ARID1B: variants seen among roughly 807,000 people sequenced by gnomAD.
ARID1B encodes AT-rich interaction domain 1B, also known as AT-rich interactive domain-containing protein 1B.
A neutral mutation model predicts 212.3 loss-of-function variants in ARID1B; 30 were observed. That is an observed-to-expected ratio of 0.14 (90% confidence interval 0.11 to 0.19). The LOEUF is 0.19. Ranked by LOEUF, ARID1B falls within the 10% of genes least tolerant of loss-of-function variation. The pLI is 1.00. For missense variants in ARID1B, 2,891 were observed against 3,204.0 expected, an observed-to-expected ratio of 0.90 and a Z score of 2.36; for synonymous variants, 1,402 against 1,301.7, an observed-to-expected ratio of 1.08 and a Z score of -1.66.
At chr6:156,873,643 C>T (rs369166575) in intron 2 of ARID1B, among the ~76,000 whole-genome samples, 29 of 152,350 alleles carry the variant, frequency 1.9e-4, no homozygotes, top group African/African-American at 5.1e-4. Flanking sequence ...AATTATTCAG[C>T]AAATGCAATG....
At chr6:156,915,279 A>G (rs1274722342) in intron 3 of ARID1B, among the ~76,000 whole-genome samples, 1 of 152,206 alleles carries the variant, frequency 6.6e-6, no homozygotes, top group African/African-American at 2.4e-5. Flanking sequence ...GAACAGGCAC[A>G]TTTTAGGCCA....
intron 12 of ARID1B, among the ~76,000 whole-genome samples, chr6:157,184,004 G>A (rs958478713): frequency 6.6e-5 from 10 of 152,162 alleles, no homozygotes; most frequent in South Asian, 4.1e-4. Context: ...GAGATGTGGC[G>A]GGCAGAAGGA....
chr6:157,199,380 A>G (rs536687511), intron 17 of ARID1B, among the ~76,000 whole-genome samples: 151 of 152,102 alleles, frequency 9.9e-4, no homozygotes, highest in African/African-American at 3.5e-3. Context: ...AATAAGTAGG[A>G]CAGGTTTTTG....
chr6:156,810,410 GGAACTT>G (rs1212181829), intron 1 of ARID1B, among the ~76,000 whole-genome samples: 1 of 152,168 alleles, frequency 6.6e-6, no homozygotes, highest in Admixed American at 6.5e-5. Flanking sequence ...GGGAGGTTGA[GGAACTT>G]GCCTCAGCTC....
intron 4 of ARID1B, among the ~76,000 whole-genome samples, chr6:157,062,026 T>G (rs760945633): frequency 6.6e-6 from 1 of 152,158 alleles, no homozygotes; most frequent in East Asian, 1.9e-4. Flanking sequence ...TGAAAGGAGC[T>G]AAAGACAGCC....
chr6:156,944,339 TG>T (rs1333230460), intron 4 of ARID1B, among the ~76,000 whole-genome samples: 4 of 152,300 alleles, frequency 2.6e-5, no homozygotes, highest in African/African-American at 9.6e-5. Context: ...GTTGCCTTAC[TG>T]AGTATATAAT....
chr6:156,999,306 A>T (rs976237333), intron 4 of ARID1B, among the ~76,000 whole-genome samples: 17 of 152,264 alleles, frequency 1.1e-4, no homozygotes, highest in Non-Finnish European at 1.9e-4. Context: ...AACTGTGCAT[A>T]CAAGTTATGT....
At chr6:157,075,682 G>A (rs1784257589) in intron 4 of ARID1B, among the ~76,000 whole-genome samples, 1 of 152,212 alleles carries the variant, frequency 6.6e-6, no homozygotes, top group Non-Finnish European at 1.5e-5. Flanking sequence ...GAGTCATGTT[G>A]ACATCGTCAT....
At chr6:156,843,382 T>C (rs1784026309) in intron 2 of ARID1B, among the ~76,000 whole-genome samples, 2 of 152,226 alleles carry the variant, frequency 1.3e-5, no homozygotes, top group Non-Finnish European at 2.9e-5. Context: ...TGAGTTTAAC[T>C]CAGCACATGT....
intron 6 of ARID1B, among the ~76,000 whole-genome samples, chr6:157,122,172 TG>T (rs1468891298): frequency 6.6e-6 from 1 of 152,146 alleles, no homozygotes; most frequent in Non-Finnish European, 1.5e-5. Flanking sequence ...TGTTTTTAAT[TG>T]ATAGAAGAAA....
At chr6:156,827,158 AG>A (rs529699094) in intron 1 of ARID1B, among the ~76,000 whole-genome samples, 96 of 152,254 alleles carry the variant, frequency 6.3e-4, no homozygotes, top group African/African-American at 2.3e-3. Flanking sequence ...TTTCCAGGTC[AG>A]GCCTTACTCC....
intron 3 of ARID1B, among the ~76,000 whole-genome samples, chr6:156,909,512 A>G (rs988467695): frequency 1.4e-4 from 22 of 152,204 alleles, no homozygotes; most frequent in African/African-American, 5.3e-4. Context: ...AGCCATGTTC[A>G]GATAGCCCCA....
At chr6:156,910,366 T>G (rs76755905) in intron 3 of ARID1B, among the ~76,000 whole-genome samples, 3 of 152,186 alleles carry the variant, frequency 2.0e-5, no homozygotes, top group African/African-American at 7.2e-5. Context: ...CTTTTCTGTT[T>G]AGTGGGGTTG....
chr6:156,833,485 A>G (rs773204360), intron 2 of ARID1B, among the ~76,000 whole-genome samples: 3 of 152,162 alleles, frequency 2.0e-5, no homozygotes, highest in Non-Finnish European at 1.5e-5. Flanking sequence ...TATTTTAACT[A>G]TTCTTGCAGG....
chr6:156,864,515 TGTGTAAATG>T (rs1416239006), intron 2 of ARID1B, among the ~76,000 whole-genome samples: 1 of 152,272 alleles, frequency 6.6e-6, no homozygotes, highest in East Asian at 1.9e-4. Context: ...CAAGGTTATA[TGTGTAAATG>T]GTTTACAGAG....
rs1554295157 is a variant in ARID1B at position 157,087,803 on chromosome 6, G to GGA, written c.2491+2898_2491+2899insGA. On this transcript the variant is annotated intron_variant, in intron 5 of 19. Transcript: ENST00000636930. ...CAGAGTTGAGCTCAGTTTTCTTCTA[G>GGA]AAAAAAAAAAAAAGTCCACGTTCCT... 2.0e-5 allele frequency among the ~76,000 whole-genome samples: 3 copies of GGA among 146,370 alleles called. No individual in the cohort carries two copies. In the East Asian group the frequency reaches 5.9e-4, roughly 29 times the overall value.
At chr6:156,824,105 T>TAG (rs1051858021) in intron 1 of ARID1B, among the ~76,000 whole-genome samples, 2 of 151,994 alleles carry the variant, frequency 1.3e-5, no homozygotes, top group Admixed American at 6.5e-5. Flanking sequence ...ATTTCTTCCT[T>TAG]AGAGAGAGAG....
At chr6:156,998,768 G>A (rs1271842735) in intron 4 of ARID1B, among the ~76,000 whole-genome samples, 1 of 152,150 alleles carries the variant, frequency 6.6e-6, no homozygotes, top group African/African-American at 2.4e-5. Context: ...ACAATAGTAG[G>A]GAGAAAATCA....
At chr6:157,003,456 T>C (rs957260595) in intron 4 of ARID1B, among the ~76,000 whole-genome samples, 6 of 152,158 alleles carry the variant, frequency 3.9e-5, no homozygotes, top group African/African-American at 1.4e-4. Context: ...GGTCTAGATT[T>C]AGGCAGTGAC....
Sources: allele counts gnomAD v4.1 joint callset (sites outside exome capture counted in the v4.1 genomes callset), GRCh38; gene constraint gnomAD v4.1.1; transcripts MANE v1.5; gene names NCBI Gene and HGNC (gene_info 2026-07-23, HGNC 2026-07-21).